KLHL1: variants seen among roughly 807,000 people sequenced by gnomAD.
The protein encoded by KLHL1 is kelch like family member 1.
Under a neutral mutation model 77.7 loss-of-function variants are expected in KLHL1, and 47 were observed. The observed-to-expected ratio is 0.60, with a 90% CI of 0.48 to 0.77. The LOEUF (loss-of-function observed/expected upper bound fraction) is 0.77. KLHL1 is among the 30% of genes least tolerant of loss of function. The pLI is 0.00. For synonymous variants in KLHL1, 360 were observed against 325.2 expected, an observed-to-expected ratio of 1.11 and a Z score of -1.15; for missense variants, 925 against 910.8, an observed-to-expected ratio of 1.02 and a Z score of -0.20.
intron 7 of KLHL1, among the ~76,000 whole-genome samples, chr13:69,776,294 A>G (rs2137992539): frequency 6.6e-6 from 1 of 152,342 alleles, no homozygotes; most frequent in East Asian, 1.9e-4. Flanking sequence ...AAATATTTAT[A>G]CACAAATAAT....
At chr13:70,049,685 T>G (rs1886585095) in intron 1 of KLHL1, among the ~76,000 whole-genome samples, 1 of 152,172 alleles carries the variant, frequency 6.6e-6, no homozygotes, top group Non-Finnish European at 1.5e-5. Context: ...AACTCCATAA[T>G]AAACTTAGAA....
At chr13:69,728,105 C>A (rs1378954664) in intron 8 of KLHL1, among the ~76,000 whole-genome samples, 2 of 152,024 alleles carry the variant, frequency 1.3e-5, no homozygotes, top group African/African-American at 4.8e-5. Flanking sequence ...GTAGCCCCAA[C>A]TGAGATTCAG....
chr13:69,907,133 T>G (rs1882070010), intron 4 of KLHL1, among the ~76,000 whole-genome samples: 1 of 152,054 alleles, frequency 6.6e-6, no homozygotes, highest in African/African-American at 2.4e-5. Context: ...AAGCAGTTGA[T>G]AGGTTGGTAA....
chr13:70,100,273 T>C (rs974861590), intron 1 of KLHL1, among the ~76,000 whole-genome samples: 2 of 152,046 alleles, frequency 1.3e-5, no homozygotes, highest in Non-Finnish European at 2.9e-5. Context: ...TATTTCATAA[T>C]TTATTAATAT....
intron 1 of KLHL1, among the ~76,000 whole-genome samples, chr13:70,085,048 C>G (rs757231528): frequency 6.6e-6 from 1 of 151,940 alleles, no homozygotes; most frequent in Non-Finnish European, 1.5e-5. Context: ...AATGAAGATG[C>G]TAAAATCATA....
At chr13:69,817,590 T>C (rs896948330) in intron 6 of KLHL1, among the ~76,000 whole-genome samples, 6 of 152,214 alleles carry the variant, frequency 3.9e-5, no homozygotes, top group African/African-American at 1.4e-4. Flanking sequence ...ATAGAAGTAA[T>C]TTAATTTTGC....
At chr13:70,041,928 C>T (rs1886387838) in intron 1 of KLHL1, among the ~76,000 whole-genome samples, 1 of 152,160 alleles carries the variant, frequency 6.6e-6, no homozygotes, top group East Asian at 1.9e-4. Flanking sequence ...TAAGAGTGGG[C>T]TGCAGGTTTT....
intron 4 of KLHL1, 76 bp from the exon 5 acceptor site, chr13:69,882,571 A>C (rs1459493024): frequency 1.0e-6 from 1 of 955,012 alleles, no homozygotes; most frequent in Non-Finnish European, 1.6e-6. Flanking sequence ...GAAAGAAGAA[A>C]AGTAGTCAAT....
chr13:70,023,274 G>T (rs1885848991), intron 1 of KLHL1, among the ~76,000 whole-genome samples: 1 of 151,616 alleles, frequency 6.6e-6, no homozygotes, highest in Non-Finnish European at 1.5e-5. Context: ...ATGTTTTATT[G>T]CTCCATACCT....
chr13:69,704,893 A>G (rs1403454038), intron 10 of KLHL1, among the ~76,000 whole-genome samples: 1 of 151,728 alleles, frequency 6.6e-6, no homozygotes, highest in Non-Finnish European at 1.5e-5. Flanking sequence ...AAAATTCTCA[A>G]TATATCATTA....
intron 1 of KLHL1, among the ~76,000 whole-genome samples, chr13:70,020,299 G>T (rs546970237): frequency 3.3e-5 from 5 of 152,184 alleles, no homozygotes; most frequent in African/African-American, 9.6e-5. Context: ...TTCCAGAATG[G>T]TTCACTAGCA....
intron 3 of KLHL1, among the ~76,000 whole-genome samples, chr13:69,958,750 A>G (rs996200922): frequency 9.3e-5 from 14 of 151,054 alleles, no homozygotes; most frequent in Non-Finnish European, 2.1e-4. Context: ...AAAAAAAAAA[A>G]TACATATTAT....
At chr13:70,091,851 T>C (rs1887679371) in intron 1 of KLHL1, among the ~76,000 whole-genome samples, 1 of 152,174 alleles carries the variant, frequency 6.6e-6, no homozygotes, top group South Asian at 2.1e-4. Context: ...TCTTCAGTTT[T>C]CATAGACTTT....
rs74089054 is a variant in KLHL1, at chr13:70,040,184, A to G, written c.498-64382T>C. Among the ~76,000 whole-genome samples the G allele has an allele frequency of 6.3e-3, 961 of 152,250 alleles. 7 individuals carry two copies. Among genetic ancestry groups the G allele is most frequent in the African/African-American group, 0.021 (878 of 41,548 alleles). ...CCATCAAACATATTTAAGTAAACTCAAGGGTCAATGGAATGTTTTTACTTA... is the reference window on the plus strand; with the variant it reads ...CCATCAAACATATTTAAGTAAACTCGAGGGTCAATGGAATGTTTTTACTTA... On this transcript the variant is annotated intron_variant, in intron 1 of 10. Coordinates refer to ENST00000377844, the MANE Select transcript of KLHL1 (RefSeq NM_020866.3).
intron 1 of KLHL1, among the ~76,000 whole-genome samples, chr13:70,028,650 A>T (rs1342795878): frequency 6.6e-6 from 1 of 152,140 alleles, no homozygotes; most frequent in Non-Finnish European, 1.5e-5. Flanking sequence ...ATGAGGGAAC[A>T]ATTTTTCAGG....
At chr13:70,063,063 T>G (rs1886928311) in intron 1 of KLHL1, among the ~76,000 whole-genome samples, 1 of 152,148 alleles carries the variant, frequency 6.6e-6, no homozygotes, top group Admixed American at 6.6e-5. Context: ...TGGCCACAGA[T>G]TCTGACTTTT....
chr13:69,780,686 A>ATATATATATATGTATG (rs1876099761), intron 7 of KLHL1, among the ~76,000 whole-genome samples: 1 of 5,060 alleles, frequency 2.0e-4, no homozygotes, highest in African/African-American at 4.5e-4. Flanking sequence ...CTCTTTCTTC[A>ATATATATATATGTATG]TATATATATA....
chr13:70,040,608 T>C (rs1886354842), intron 1 of KLHL1, among the ~76,000 whole-genome samples: 1 of 152,180 alleles, frequency 6.6e-6, no homozygotes, highest in African/African-American at 2.4e-5. Context: ...AGCTAATACT[T>C]TGTTCCTCTC....
chr13:69,781,676 T>C (rs1319129018), intron 7 of KLHL1, among the ~76,000 whole-genome samples: 1 of 152,158 alleles, frequency 6.6e-6, no homozygotes, highest in Non-Finnish European at 1.5e-5. Context: ...TATTCTGAAA[T>C]AGGATACAAA....
Sources: gnomAD v4.1 joint callset for allele counts (sites outside exome capture counted in the v4.1 genomes callset) on GRCh38, gnomAD v4.1.1 for gene constraint, MANE v1.5 for transcripts, NCBI Gene and HGNC (gene_info 2026-07-23, HGNC 2026-07-21) for gene names.